The following PRUNE2 variants were observed in gnomAD, a reference collection of about 807,000 sequenced individuals.
PRUNE2 encodes the protein protein prune homolog 2.
In PRUNE2, 164 loss-of-function variants were observed where a neutral mutation model predicts 252.0. That is an observed-to-expected ratio of 0.65 (90% CI 0.57 to 0.74). The LOEUF (loss-of-function observed/expected upper bound fraction) is 0.74, where lower values mean the gene tolerates loss of function less well. Among genes scored for constraint, PRUNE2 ranks in the 30% least tolerant of loss-of-function variants. The probability of loss-of-function intolerance (pLI) is 0.00; values close to 1 mark genes in which losing one functional copy is unlikely to be tolerated. For missense variants in PRUNE2, 3,495 were observed against 3,711.0 expected (o/e 0.94, Z 1.51); for synonymous variants, 1,292 against 1,350.2 (o/e 0.96, Z 0.94).
Position 76,703,655 on chromosome 9 carries a change from G to C in PRUNE2, c.7958C>G (p.Pro2653Arg). ...CTCCACAGTCTTGCCAGACCACCCA[G>C]GCCCTGAGTCCCTGGCATCCAGTGA... ...DPSLDARDSG[P>R]GWSGKTVEPF... is the part of the protein sequence containing the mutation. The change falls in exon 9 of 19, where the codon CCT becomes CGT. Residue 2653 changes from proline (P) to arginine (R), a missense_variant. Physicochemically the swap from Pro to Arg is moderately radical, Grantham distance 103. Transcript: ENST00000376718. 1 of 1,612,544 alleles carries C rather than the reference G, an allele frequency of 6.2e-7. No individual in the cohort carries two copies. Among genetic ancestry groups the C allele is most frequent in the Non-Finnish European group, 8.5e-7 (1 of 1,179,870 alleles).
At chr9:76,689,701 T>TC (rs555439072) in intron 9 of PRUNE2, among the ~76,000 whole-genome samples, 128 of 152,178 alleles carry the variant, frequency 8.4e-4, no homozygotes, top group African/African-American at 2.9e-3. Flanking sequence ...TAGCACAAGG[T>TC]CCAGAGCTAA....
At chr9:76,831,630 T>A (rs1000290438) in intron 4 of PRUNE2, among the ~76,000 whole-genome samples, 5 of 152,140 alleles carry the variant, frequency 3.3e-5, no homozygotes, top group Admixed American at 2.0e-4. Flanking sequence ...TTTAACTGTA[T>A]GTTGTAATTG....
At chr9:76,617,294 C>A (rs1459036134) in intron 18 of PRUNE2, among the ~76,000 whole-genome samples, 3 of 152,176 alleles carry the variant, frequency 2.0e-5, no homozygotes, top group Non-Finnish European at 4.4e-5. Flanking sequence ...ACGATAACAG[C>A]ACACACTCCA....
intron 6 of PRUNE2, among the ~76,000 whole-genome samples, chr9:76,752,827 A>G (rs2050753501): frequency 6.6e-6 from 1 of 152,214 alleles, no homozygotes; most frequent in Admixed American, 6.5e-5. Flanking sequence ...GGTTAGGGAT[A>G]CTGACTCCAG....
At position 76,710,537 on chromosome 9, in the gene PRUNE2, A is replaced by G; in HGVS notation, c.1737T>C (p.Asp579=). The change falls in exon 8 of 19, where the codon GAT becomes GAC. Residue 579 remains aspartate, a synonymous_variant. Transcript: ENST00000376718. ...TCAGGCTCAAATTTCTTTCAGAGTTATCTCTGGGACTGTCTTGTCTCTGGA... is the reference window on the plus strand; with the variant it reads ...TCAGGCTCAAATTTCTTTCAGAGTTGTCTCTGGGACTGTCTTGTCTCTGGA... ...EFVQRQDSPR[D]NSERNLSLTD... The G allele has an allele frequency of 6.2e-7, 1 of 1,613,988 alleles. No individual in the cohort carries two copies. The highest frequency in any genetic ancestry group is 1.1e-5 in the South Asian group (1 of 91,072).
intron 12 of PRUNE2, chr9:76,641,798 C>A: frequency 2.7e-6 from 2 of 745,868 alleles, no homozygotes; most frequent in Non-Finnish European, 4.2e-6. Context: ...ACCTGAGTGA[C>A]ACAGACAGGC....
At chr9:76,794,613 C>CAAAAAA (rs11358425) in intron 6 of PRUNE2, among the ~76,000 whole-genome samples, 5 of 67,858 alleles carry the variant, frequency 7.4e-5, no homozygotes, top group Admixed American at 1.7e-4. Context: ...GACTCTGTCT[C>CAAAAAA]AAAAAAAAAA....
intron 6 of PRUNE2, among the ~76,000 whole-genome samples, chr9:76,800,827 C>T (rs928848984): frequency 1.2e-4 from 19 of 152,134 alleles, no homozygotes; most frequent in Admixed American, 7.9e-4. Flanking sequence ...AGAGTGGAAA[C>T]AAACACTGAA....
intron 6 of PRUNE2, among the ~76,000 whole-genome samples, chr9:76,804,806 T>C (rs2056817528): frequency 6.6e-6 from 1 of 152,196 alleles, no homozygotes; most frequent in Non-Finnish European, 1.5e-5. Context: ...AGGTGATCCT[T>C]TCTTTTCAAC....
rs182669666 is a variant in PRUNE2 at position 76,844,620 on chromosome 9, C to T, written c.508+1895G>A. Among the ~76,000 whole-genome samples, 44 of 152,310 alleles carry T rather than the reference C, an allele frequency of 2.9e-4. No individual in the cohort carries two copies. In the East Asian group the frequency reaches 4.6e-3, roughly 16 times the overall value. ...CATCTCCCCTCCACATACATACACA[C>T]ACATATGCATTGGCAAAAGGTCTCC... On this transcript the variant is annotated intron_variant, in intron 4 of 18. Transcript: ENST00000376718.
intron 15 of PRUNE2, among the ~76,000 whole-genome samples, chr9:76,633,310 G>C (rs536017620): frequency 1.3e-5 from 2 of 152,164 alleles, no homozygotes; most frequent in East Asian, 3.9e-4. Flanking sequence ...GCCAGGCATG[G>C]TGGCTCATGC....
intron 6 of PRUNE2, among the ~76,000 whole-genome samples, chr9:76,717,528 T>G (rs1182196708): frequency 6.6e-6 from 1 of 152,184 alleles, no homozygotes; most frequent in Non-Finnish European, 1.5e-5. Flanking sequence ...TTTAGTTACA[T>G]GTATACAAAT....
chr9:76,681,426 A>T (rs2134221031), intron 9 of PRUNE2, among the ~76,000 whole-genome samples: 1 of 147,148 alleles, frequency 6.8e-6, no homozygotes, highest in East Asian at 2.1e-4. Context: ...GGTAAATTTT[A>T]TGTTATGTGT....
Position 76,636,497 on chromosome 9 carries a change from G to C in PRUNE2, c.9024C>G (p.Ile3008Met). Residue 3008 changes from isoleucine to methionine, a missense_variant, in exon 15 of 19, where the codon ATC (isoleucine) becomes ATG (methionine). By Grantham distance (10) the Ile-to-Met change is conservative. Coordinates refer to ENST00000376718, the MANE Select transcript of PRUNE2 (RefSeq NM_015225.3). ...TTATAAAAGGTCGTGTCACAGCAAG[G>C]ATTGTTCTGATGAACCAAGATGGAT... ...IVHPSWFIRT[I>M]LAVTRPFISS... The C allele has an allele frequency of 6.4e-7, 1 of 1,552,146 alleles. No homozygotes were observed. The highest frequency in any genetic ancestry group is 8.7e-7 in the Non-Finnish European group (1 of 1,143,202).
rs1828540121 is a variant in PRUNE2, at chr9:76,614,617, AAG to A, written c.9237-19_9237-18del. 1.2e-6 allele frequency: 2 copies of A among 1,605,468 alleles called. No homozygotes were observed. Among genetic ancestry groups the A allele is most frequent in the East Asian group, 2.2e-5 (1 of 44,804 alleles). ...AAGTCAATACTGCAAAGAAAAGAAAAAGAGAGAGAAACATGAGAAACCAAATG... is the reference window on the plus strand; with the variant it reads ...AAGTCAATACTGCAAAGAAAAGAAAAAGAGAGAAACATGAGAAACCAAATG... On this transcript the variant is annotated intron_variant, in intron 18 of 18. Transcript: ENST00000376718.
intron 1 of PRUNE2, among the ~76,000 whole-genome samples, chr9:76,871,429 C>T (rs2061191497): frequency 6.6e-6 from 1 of 152,140 alleles, no homozygotes; most frequent in African/African-American, 2.4e-5. Flanking sequence ...TTTTGGTATC[C>T]AGGGAGGGTC....
chr9:76,666,299 G>A (rs912148547), intron 9 of PRUNE2, among the ~76,000 whole-genome samples: 1 of 152,154 alleles, frequency 6.6e-6, no homozygotes, highest in African/African-American at 2.4e-5. Flanking sequence ...GTTTAGAGAA[G>A]ACTCTACTCC....
At chr9:76,820,726 T>C (rs370832368) in intron 6 of PRUNE2, among the ~76,000 whole-genome samples, 1 of 152,190 alleles carries the variant, frequency 6.6e-6, no homozygotes, top group South Asian at 2.1e-4. Context: ...ATACTTTCTA[T>C]AAATATGTGG....
At chr9:76,720,193 A>G (rs961172518) in intron 6 of PRUNE2, among the ~76,000 whole-genome samples, 13 of 152,238 alleles carry the variant, frequency 8.5e-5, no homozygotes, top group African/African-American at 3.1e-4. Flanking sequence ...CTGGAAGATA[A>G]TTTTTATAAC....
Sources: allele counts gnomAD v4.1 joint callset (sites outside exome capture counted in the v4.1 genomes callset), GRCh38; gene constraint gnomAD v4.1.1; transcripts MANE v1.5; gene names NCBI Gene and HGNC (gene_info 2026-07-23, HGNC 2026-07-21).